The following PRSS55 variants were observed in gnomAD, a reference collection of about 807,000 sequenced individuals.
PRSS55 encodes the protein serine protease 55, also known as probable serine protease UNQ9391/PRO34284.
In PRSS55, 41 loss-of-function variants were observed where a neutral mutation model predicts 23.6. The observed-to-expected ratio is 1.74, with a 90% CI of 1.35 to 2.26. PRSS55 has a LOEUF of 2.26. PRSS55 is among the 30% of genes most tolerant of loss of function. PRSS55 has a pLI of 0.00. For missense variants in PRSS55, 669 were observed against 439.1 expected (o/e 1.52, Z -4.68); for synonymous variants, 262 against 175.5 (o/e 1.49, Z -3.90).
chr8:10,546,583 C>A (rs558894604), intron 4 of PRSS55, among the ~76,000 whole-genome samples: 5 of 152,326 alleles, frequency 3.3e-5, no homozygotes, highest in African/African-American at 1.2e-4. Context: ...TGCAGGGCAG[C>A]CACGGTGCTC....
At position 10,545,931 on chromosome 8, in the gene PRSS55, G is replaced by A. The variant is rs140305357; in HGVS notation, c.742-8012G>A. Among the ~76,000 whole-genome samples the A allele has an allele frequency of 2.6e-4, 39 of 152,292 alleles. No homozygotes were observed. In the East Asian group the frequency reaches 7.3e-3, roughly 29 times the overall value. On this transcript the variant is annotated intron_variant, in intron 4 of 4. Coordinates refer to the PRSS55 transcript ENST00000522210. ...CTGGCTTATTGCTCTTTGCTTGCGT[G>A]TGTGAATGCTGGGCCCCTCCCTGCA...
downstream of PRSS55, among the ~76,000 whole-genome samples, chr8:10,543,273 G>A (rs6986876): frequency 0.65 from 98,267 of 151,626 alleles, 32,499 homozygotes; most frequent in South Asian, 0.77. Flanking sequence ...ATGTAAGCCC[G>A]GAGCTTCTGG....
intron 4 of PRSS55, among the ~76,000 whole-genome samples, chr8:10,549,355 G>T (rs897584547): frequency 2.0e-5 from 3 of 152,224 alleles, no homozygotes; most frequent in African/African-American, 4.8e-5. Flanking sequence ...CAGAGCCAGT[G>T]CCCCGGTGGG....
intron 4 of PRSS55, 48 bp downstream of exon 4, chr8:10,533,096 G>T (rs1367833959): frequency 1.9e-6 from 3 of 1,596,056 alleles, no homozygotes; most frequent in Non-Finnish European, 2.6e-6. Context: ...CACCCTCTGG[G>T]AACTGCCAGT....
Position 10,529,102 on chromosome 8 carries a change from C to T in PRSS55, c.155-405C>T, listed in dbSNP as rs370954236. Among the ~76,000 whole-genome samples, 14 of 152,336 alleles carry T rather than the reference C, an allele frequency of 9.2e-5. No individual in the cohort carries two copies. The East Asian group carries it at 1.2e-3, about 13-fold the overall frequency. ...CCCTTTCCTTGCAAGCTAAAATATT[C>T]GCAGGTTCTGGGGACATGGCCCATT... is the stretch of plus-strand genomic sequence containing the variant. On this transcript the variant is annotated intron_variant, in intron 1 of 4. Transcript: ENST00000328655.
chr8:10,528,531 G>A (rs73662849), intron 1 of PRSS55, among the ~76,000 whole-genome samples: 12,556 of 152,282 alleles, frequency 0.082, 659 homozygotes, highest in African/African-American at 0.14. Context: ...CCTCTGTCCG[G>A]AAGGGGCATT....
chr8:10,543,856 T>C (rs1052368167), intron 4 of PRSS55, among the ~76,000 whole-genome samples: 1 of 152,212 alleles, frequency 6.6e-6, no homozygotes, highest in African/African-American at 2.4e-5. Context: ...GTTATTTATT[T>C]CTAATTTAAT....
chr8:10,552,860 A>T (rs1005394147), intron 4 of PRSS55, among the ~76,000 whole-genome samples: 1 of 152,250 alleles, frequency 6.6e-6, no homozygotes, highest in Non-Finnish European at 1.5e-5. Context: ...AACACTATGG[A>T]GGCTTCTCAA....
chr8:10,527,358 G>A (rs1046887100), intron 1 of PRSS55, among the ~76,000 whole-genome samples: 5 of 152,218 alleles, frequency 3.3e-5, no homozygotes, highest in African/African-American at 1.2e-4. Flanking sequence ...CCGGAGTGGA[G>A]TCATTCAATC....
chr8:10,535,938 G>A (rs919678746), intron 4 of PRSS55, among the ~76,000 whole-genome samples: 2 of 152,212 alleles, frequency 1.3e-5, no homozygotes, highest in African/African-American at 4.8e-5. Flanking sequence ...TCTAATCCCA[G>A]CACTGTGGGA....
chr8:10,546,483 T>A (rs369006592), intron 4 of PRSS55, among the ~76,000 whole-genome samples: 1 of 152,108 alleles, frequency 6.6e-6, no homozygotes, highest in South Asian at 2.1e-4. Flanking sequence ...TTTGAATGCC[T>A]CTGCAGTAAC....
downstream of PRSS55, among the ~76,000 whole-genome samples, chr8:10,543,285 G>C (rs1812711815): frequency 6.6e-6 from 1 of 152,060 alleles, no homozygotes; most frequent in Non-Finnish European, 1.5e-5. Flanking sequence ...AGCTTCTGGG[G>C]GCCCCATGCG....
At chr8:10,525,819 A>T in intron 1 of PRSS55, 80 bp downstream of exon 1, 1 of 1,444,042 alleles carries the variant, frequency 6.9e-7, no homozygotes, top group Non-Finnish European at 9.3e-7. Flanking sequence ...ATCGCAGAGC[A>T]CAAGGCCAGA....
chr8:10,542,414 C>CAGGG (rs373640043), downstream of PRSS55, among the ~76,000 whole-genome samples: 262 of 79,762 alleles, frequency 3.3e-3, 3 homozygotes, highest in African/African-American at 8.7e-3. Flanking sequence ...AAGCACCATG[C>CAGGG]GGGGGAAAAA....
At chr8:10,554,097 T>G (rs1157571656) in exon 5 of PRSS55, 1 of 1,062,076 alleles carries the variant, frequency 9.4e-7, no homozygotes, top group Admixed American at 2.8e-5. Flanking sequence ...GGGCATAGCC[T>G]TGAGTTGAAA....
At chr8:10,544,186 A>G (rs1271828525) in intron 4 of PRSS55, among the ~76,000 whole-genome samples, 1 of 152,004 alleles carries the variant, frequency 6.6e-6, no homozygotes, top group Non-Finnish European at 1.5e-5. Flanking sequence ...TTTGCTTCCA[A>G]TATTTGAATG....
chr8:10,533,677 T>A (rs967256702), intron 4 of PRSS55, among the ~76,000 whole-genome samples: 2 of 152,240 alleles, frequency 1.3e-5, no homozygotes, highest in African/African-American at 4.8e-5. Context: ...TTGTCTTTAA[T>A]GCTCAGAGGT....
downstream of PRSS55, among the ~76,000 whole-genome samples, chr8:10,542,597 C>T (rs181037860): frequency 1.9e-3 from 285 of 151,898 alleles, 3 homozygotes; most frequent in African/African-American, 6.5e-3. Flanking sequence ...TGGACAGGCA[C>T]GGTGGCTCAT....
Position 10,531,386 on chromosome 8 carries a change from G to T in PRSS55, c.439G>T (p.Asp147Tyr). ...KEVASIILHKDFKRANMDNDI... is the reference protein window; with the variant it reads ...KEVASIILHKYFKRANMDNDI... The stretch of plus-strand genomic sequence containing the variant: ...GGTCGCCAGCATCATTCTTCACAAA[G>T]ACTTTAAGAGAGCCAACATGGACAA... Residue 147 changes from aspartate (D) to tyrosine (Y), a missense_variant, in exon 3 of 5, where the codon GAC becomes TAC. By Grantham distance (160) the Asp-to-Tyr change is radical (BLOSUM62 -3). Coordinates refer to ENST00000328655, the MANE Select transcript of PRSS55 (RefSeq NM_198464.4). 3.7e-6 allele frequency: 6 copies of T among 1,614,222 alleles called. No homozygotes were observed. Among genetic ancestry groups the T allele is most frequent in the Non-Finnish European group, 5.1e-6 (6 of 1,180,056 alleles).
Sources: allele counts gnomAD v4.1 joint callset (sites outside exome capture counted in the v4.1 genomes callset), GRCh38; gene constraint gnomAD v4.1.1; transcripts MANE v1.5; gene names NCBI Gene and HGNC (gene_info 2026-07-23, HGNC 2026-07-21).